The following TMEM132C variants were observed in gnomAD, a reference collection of about 807,000 sequenced individuals.
TMEM132C encodes transmembrane protein 132C.
Under a neutral mutation model 61.4 loss-of-function variants are expected in TMEM132C, and 29 were observed. The ratio of observed to expected loss-of-function variants is 0.47; its 90% confidence interval spans 0.35 to 0.64. TMEM132C has a LOEUF of 0.64. Among genes scored for constraint, TMEM132C ranks in the 30% least tolerant of loss-of-function variants. The pLI is 0.00. For synonymous variants in TMEM132C, 656 were observed against 633.1 expected, an observed-to-expected ratio of 1.04 and a Z score of -0.54; for missense variants, 1,408 against 1,476.9, an observed-to-expected ratio of 0.95 and a Z score of 0.76.
intron 2 of TMEM132C, among the ~76,000 whole-genome samples, chr12:128,532,453 A>C: frequency 6.6e-6 from 1 of 151,844 alleles, no homozygotes. Context: ...AGCCTGGCCA[A>C]CATGATGAAA....
Position 128,556,769 on chromosome 12 carries a change from A to G in TMEM132C, c.1121+12666A>G, listed in dbSNP as rs1287222152. Among the ~76,000 whole-genome samples the G allele has an allele frequency of 3.3e-5, 5 of 152,194 alleles. No homozygotes were observed. In the East Asian group the frequency reaches 9.7e-4, roughly 29 times the overall value. ...GGAAGCCCAACTATCCCATGTGGAA[A>G]GGCCAAAAGGAGGACCCCCGAGCCT... On this transcript the variant is annotated intron_variant, in intron 3 of 8. Coordinates refer to ENST00000435159, the MANE Select transcript of TMEM132C (RefSeq NM_001136103.3).
intron 2 of TMEM132C, among the ~76,000 whole-genome samples, chr12:128,438,329 T>C (rs1006344206): frequency 6.6e-5 from 10 of 152,110 alleles, no homozygotes; most frequent in Admixed American, 5.2e-4. Context: ...TTAGTTACCA[T>C]GAGAGCTGGT....
At chr12:128,489,156 C>T (rs1871614426) in intron 2 of TMEM132C, among the ~76,000 whole-genome samples, 1 of 152,102 alleles carries the variant, frequency 6.6e-6, no homozygotes, top group South Asian at 2.1e-4. Context: ...TGTTCTCCAG[C>T]TGTTTCCTCT....
intron 3 of TMEM132C, among the ~76,000 whole-genome samples, chr12:128,583,425 T>G (rs996158543): frequency 4.6e-5 from 7 of 152,152 alleles, no homozygotes; most frequent in African/African-American, 1.7e-4. Flanking sequence ...AAAAAGAATT[T>G]TGAGCTAAGT....
chr12:128,616,920 C>T (rs1233828904), intron 4 of TMEM132C, among the ~76,000 whole-genome samples: 4 of 152,172 alleles, frequency 2.6e-5, no homozygotes, highest in Non-Finnish European at 5.9e-5. Context: ...TGTAAGCAAA[C>T]ATGCTACTTG....
intron 1 of TMEM132C, among the ~76,000 whole-genome samples, chr12:128,406,676 A>G (rs967852789): frequency 6.6e-6 from 1 of 152,204 alleles, no homozygotes; most frequent in African/African-American, 2.4e-5. Flanking sequence ...TAATAAATTT[A>G]AAACTCTGGA....
At chr12:128,300,147 G>A (rs1871550381) in intron 1 of TMEM132C, among the ~76,000 whole-genome samples, 1 of 152,150 alleles carries the variant, frequency 6.6e-6, no homozygotes, top group African/African-American at 2.4e-5. Flanking sequence ...CTGCGGGGTG[G>A]CTCCAGTGAC....
intron 2 of TMEM132C, among the ~76,000 whole-genome samples, chr12:128,467,305 C>A (rs575920699): frequency 6.6e-6 from 1 of 152,144 alleles, no homozygotes; most frequent in South Asian, 2.1e-4. Flanking sequence ...TGCCAGAGAT[C>A]TTCTTCTCCA....
intron 2 of TMEM132C, among the ~76,000 whole-genome samples, chr12:128,514,539 C>T (rs1323929902): frequency 6.6e-6 from 1 of 151,984 alleles, no homozygotes; most frequent in Non-Finnish European, 1.5e-5. Flanking sequence ...GGTGCGGGGG[C>T]GACGCAATTT....
intron 1 of TMEM132C, among the ~76,000 whole-genome samples, chr12:128,316,209 ACT>A (rs1234765309): frequency 3.3e-5 from 5 of 151,972 alleles, no homozygotes; most frequent in African/African-American, 7.3e-5. Flanking sequence ...ATTCTATTAG[ACT>A]CTCTGTTCTA....
chr12:128,636,939 G>A (rs1323569452), intron 4 of TMEM132C, among the ~76,000 whole-genome samples: 2 of 152,126 alleles, frequency 1.3e-5, no homozygotes, highest in Non-Finnish European at 2.9e-5. Flanking sequence ...AATGGTAGGA[G>A]TTCCTTCTTT....
At chr12:128,276,894 GCA>G (rs71069547) in intron 1 of TMEM132C, among the ~76,000 whole-genome samples, 186 of 149,960 alleles carry the variant, frequency 1.2e-3, no homozygotes, top group Non-Finnish European at 2.0e-3. Flanking sequence ...GTGCGTGCAT[GCA>G]CACACACACA....
intron 2 of TMEM132C, among the ~76,000 whole-genome samples, chr12:128,494,040 T>C (rs1871848755): frequency 6.6e-6 from 1 of 152,230 alleles, no homozygotes; most frequent in Non-Finnish European, 1.5e-5. Flanking sequence ...ACCTAATTTA[T>C]TGAGAGTTTT....
intron 4 of TMEM132C, among the ~76,000 whole-genome samples, chr12:128,636,564 T>TTGTGTGTG (rs61201583): frequency 1.4e-3 from 198 of 142,344 alleles, no homozygotes; most frequent in African/African-American, 4.4e-3. Flanking sequence ...GGGTTTTTGT[T>TTGTGTGTG]TGTGTGTGTG....
At chr12:128,629,433 T>C (rs1954047314) in intron 4 of TMEM132C, among the ~76,000 whole-genome samples, 1 of 152,178 alleles carries the variant, frequency 6.6e-6, no homozygotes, top group African/African-American at 2.4e-5. Flanking sequence ...ACTGTACCAT[T>C]GTACTCCTGC....
At chr12:128,471,511 A>G (rs1183687169) in intron 2 of TMEM132C, among the ~76,000 whole-genome samples, 1 of 152,224 alleles carries the variant, frequency 6.6e-6, no homozygotes, top group Non-Finnish European at 1.5e-5. Flanking sequence ...TAGCTCTGAA[A>G]AAAGACAGGA....
At chr12:128,296,459 G>A (rs189614553) in intron 1 of TMEM132C, among the ~76,000 whole-genome samples, 16 of 152,312 alleles carry the variant, frequency 1.1e-4, no homozygotes, top group Non-Finnish European at 2.1e-4. Context: ...CTGGTATTTA[G>A]GGTACACAGT....
chr12:128,543,495 TG>T (rs1352552964), intron 2 of TMEM132C, among the ~76,000 whole-genome samples: 1 of 152,112 alleles, frequency 6.6e-6, no homozygotes, highest in Non-Finnish European at 1.5e-5. Flanking sequence ...GGCTTTCAAG[TG>T]GGTTGCAGGC....
chr12:128,355,602 C>A (rs1438633215), intron 1 of TMEM132C, among the ~76,000 whole-genome samples: 2 of 151,852 alleles, frequency 1.3e-5, no homozygotes, highest in Non-Finnish European at 2.9e-5. Flanking sequence ...ATTAAAAGCC[C>A]AAATCATCTA....
Sources: gnomAD v4.1 joint callset for allele counts (sites outside exome capture counted in the v4.1 genomes callset) on GRCh38, gnomAD v4.1.1 for gene constraint, MANE v1.5 for transcripts, NCBI Gene and HGNC (gene_info 2026-07-23, HGNC 2026-07-21) for gene names.